Variants in PDE3B observed in about 807,000 individuals in gnomAD.
PDE3B encodes the protein cGMP-inhibited 3',5'-cyclic phosphodiesterase 3B.
PDE3B carries 66 observed loss-of-function variants against 116.8 expected under a neutral mutation model. The observed-to-expected ratio is 0.56, with a 90% confidence interval of 0.46 to 0.69. The LOEUF is 0.69. Ranked by LOEUF, PDE3B falls within the 30% of genes least tolerant of loss-of-function variation. The probability of loss-of-function intolerance (pLI) is 0.00; values close to 1 mark genes in which losing one functional copy is unlikely to be tolerated. For missense variants in PDE3B, 1,384 were observed against 1,368.1 expected (o/e 1.01, Z -0.18); for synonymous variants, 595 against 533.6 (o/e 1.12, Z -1.59).
chr11:14,738,204 A>T (rs1160283735), intron 1 of PDE3B, among the ~76,000 whole-genome samples: 1 of 152,196 alleles, frequency 6.6e-6, no homozygotes, highest in African/African-American at 2.4e-5. Flanking sequence ...ACTGACTTCC[A>T]CAATGGTTGA....
At position 14,869,798 on chromosome 11, in the gene PDE3B, G is replaced by T. The variant is rs545317393; in HGVS notation, c.*138G>T. 125 of 652,380 alleles carry T rather than the reference G, an allele frequency of 1.9e-4. No individual in the cohort carries two copies. Among genetic ancestry groups the T allele is most frequent in the Non-Finnish European group, 3.0e-4 (115 of 388,756 alleles). 40.4% of individuals were successfully genotyped at this position (652,380 alleles called of 1,614,324 possible). A position where few individuals can be genotyped will look rare whatever the true frequency, so the allele number is the denominator to read the frequency against. On this transcript the variant is annotated 3_prime_UTR_variant, in exon 16 of 16. Coordinates refer to ENST00000282096, the MANE Select transcript of PDE3B (RefSeq NM_000922.4). Reference sequence around the variant, plus strand: ...TGGACAGGCCTTAATACTGTGAGAGGATCCTTGCTCTGCTGGCAGTTTCCC... The same window carrying T: ...TGGACAGGCCTTAATACTGTGAGAGTATCCTTGCTCTGCTGGCAGTTTCCC...
intron 1 of PDE3B, among the ~76,000 whole-genome samples, chr11:14,739,420 A>G (rs1284791088): frequency 1.3e-5 from 2 of 152,196 alleles, no homozygotes; most frequent in African/African-American, 4.8e-5. Flanking sequence ...TTATTGGTAT[A>G]TAGGAATCCT....
At chr11:14,651,472 G>A (rs1003259312) in intron 1 of PDE3B, among the ~76,000 whole-genome samples, 10 of 152,114 alleles carry the variant, frequency 6.6e-5, no homozygotes, top group Non-Finnish European at 1.3e-4. Flanking sequence ...CTAAAGCTAC[G>A]TAAAATTGAA....
Position 14,760,099 on chromosome 11 carries a change from A to G in PDE3B, c.979-11838A>G, listed in dbSNP as rs763483279. Among the ~76,000 whole-genome samples, 200 of 152,334 alleles carry G rather than the reference A, an allele frequency of 1.3e-3. 2 individuals carry two copies. The highest frequency in any genetic ancestry group is 7.7e-4 in the East Asian group (4 of 5,192). On this transcript the variant is annotated intron_variant, in intron 1 of 15. Coordinates refer to ENST00000282096, the MANE Select transcript of PDE3B (RefSeq NM_000922.4). Reference sequence around the variant, plus strand: ...TAGATTTTGTAGTTAGAGAAACCACAGTATGATTCTGGCTCTGCTACTGCC... The same window carrying G: ...TAGATTTTGTAGTTAGAGAAACCACGGTATGATTCTGGCTCTGCTACTGCC...
intron 14 of PDE3B, 57 bp downstream of exon 14, chr11:14,861,423 C>T: frequency 1.3e-6 from 2 of 1,497,864 alleles, no homozygotes; most frequent in Non-Finnish European, 1.9e-6. Flanking sequence ...GAAGACACTA[C>T]TCTTTGGGTT....
the PDE3B span, chr11:14,886,791 A>G: frequency 6.6e-6 from 1 of 152,280 alleles, no homozygotes; most frequent in Non-Finnish European, 1.5e-5. Context: ...CAAACAAGTC[A>G]AGGAGATTTA....
chr11:14,835,051 G>A lies in PDE3B; in HGVS notation c.2276G>A (p.Gly759Asp). Residue 759 changes from glycine (G) to aspartate (D), a missense_variant, in exon 11 of 16, where the codon GGC (glycine) becomes GAC (aspartate). By Grantham distance (94) the Gly-to-Asp change is moderately conservative. Transcript: ENST00000282096. ...TATCTGACAACACGGCCAGTTCCTG[G>A]CTTACAGCAGATCCACAATGGTTGT... Reference protein sequence around the residue: ...VWYLTTRPVPGLQQIHNGCGT... With the variant: ...VWYLTTRPVPDLQQIHNGCGT... The A allele has an allele frequency of 6.2e-7, 1 of 1,612,934 alleles. No homozygotes were observed. The highest frequency in any genetic ancestry group is 8.5e-7 in the Non-Finnish European group (1 of 1,179,248).
In PDE3B at chr11:14,843,860, C is replaced by G; in HGVS notation, c.2354C>G (p.Ala785Gly). The G allele has an allele frequency of 1.2e-6, 2 of 1,614,020 alleles. No homozygotes were observed. Among genetic ancestry groups the G allele is most frequent in the Non-Finnish European group, 1.7e-6 (2 of 1,179,916 alleles). The part of the protein sequence containing the change: ...SDGRINHGRI[A>G]YISSKSCSNP... ...GGTAGAATTAACCATGGGCGAATTG[C>G]TTATATTTCTTCGAAGAGCTGCTCT... Residue 785 changes from alanine to glycine, a missense_variant, in exon 12 of 16, where the codon GCT becomes GGT. Physicochemically the swap from Ala to Gly is moderately conservative, Grantham distance 60. Coordinates refer to ENST00000282096, the MANE Select transcript of PDE3B (RefSeq NM_000922.4).
chr11:14,801,578 T>G (rs1278650643), intron 4 of PDE3B, among the ~76,000 whole-genome samples: 3 of 152,324 alleles, frequency 2.0e-5, no homozygotes, highest in African/African-American at 4.8e-5. Context: ...CCGCCCCTAC[T>G]GGGAGGTGTC....
chr11:14,841,409 C>G (rs1458739098), intron 11 of PDE3B, among the ~76,000 whole-genome samples: 2 of 148,056 alleles, frequency 1.4e-5, no homozygotes, highest in African/African-American at 4.9e-5. Context: ...ATGAATAACC[C>G]TCACTAATAT....
At chr11:14,660,290 T>C (rs1325283163) in intron 1 of PDE3B, among the ~76,000 whole-genome samples, 1 of 151,696 alleles carries the variant, frequency 6.6e-6, no homozygotes, top group African/African-American at 2.4e-5. Flanking sequence ...CCTTATATTA[T>C]TGCTTCTAAT....
intron 1 of PDE3B, among the ~76,000 whole-genome samples, chr11:14,760,987 T>G (rs1857345414): frequency 6.6e-6 from 1 of 152,180 alleles, no homozygotes; most frequent in Admixed American, 6.6e-5. Context: ...GTAATTTTCC[T>G]GTTATCCTAT....
the PDE3B span, chr11:14,877,469 A>G: frequency 6.6e-6 from 1 of 152,152 alleles, no homozygotes; most frequent in Non-Finnish European, 1.5e-5. Flanking sequence ...TATTATTGTA[A>G]TGTCCTATCT....
chr11:14,861,483 G>GTT, intron 14 of PDE3B, 117 bp downstream of exon 14: 1 of 921,432 alleles, frequency 1.1e-6, no homozygotes, highest in South Asian at 1.6e-5. Context: ...TGACTGGGAA[G>GTT]GGTTAAAAAT....
intron 1 of PDE3B, among the ~76,000 whole-genome samples, chr11:14,703,418 T>G (rs1414771462): frequency 2.1e-5 from 3 of 143,778 alleles, no homozygotes; most frequent in African/African-American, 7.5e-5. Context: ...TAGGGTTGTC[T>G]TTTTTTTTTT....
chr11:14,756,305 T>A (rs1857179189), intron 1 of PDE3B, among the ~76,000 whole-genome samples: 2 of 152,156 alleles, frequency 1.3e-5, no homozygotes, highest in South Asian at 4.1e-4. Flanking sequence ...TCCAATGGAC[T>A]AGTTGAGGGT....
At chr11:14,791,286 T>C (rs1858380897) in intron 4 of PDE3B, among the ~76,000 whole-genome samples, 1 of 152,118 alleles carries the variant, frequency 6.6e-6, no homozygotes. Flanking sequence ...TTTTGAGTCT[T>C]GAGCTTTGGA....
chr11:14,851,088 G>A (rs1847740604), intron 12 of PDE3B, among the ~76,000 whole-genome samples: 1 of 151,602 alleles, frequency 6.6e-6, no homozygotes, highest in African/African-American at 2.4e-5. Flanking sequence ...CTCCCAAAGT[G>A]CTGGGATTAC....
In PDE3B at chr11:14,643,929, G is replaced by A; in HGVS notation, c.-147G>A. The A allele has an allele frequency of 8.2e-7, 1 of 1,219,864 alleles. No homozygotes were observed. Among genetic ancestry groups the A allele is most frequent in the Non-Finnish European group, 1.1e-6 (1 of 941,454 alleles). 75.6% of individuals were successfully genotyped at this position (1,219,864 alleles called of 1,614,324 possible). A position where few individuals can be genotyped will look rare whatever the true frequency, so the allele number is the denominator to read the frequency against. ...GCCGCTCCTCAGTCCGCGCGGTGGG[G>A]ACCCCGGGCCGTGGCGGCCGGCGCA... On this transcript the variant is annotated 5_prime_UTR_variant, in exon 1 of 16. Transcript: ENST00000282096.
Sources: allele counts gnomAD v4.1 joint callset (sites outside exome capture counted in the v4.1 genomes callset), GRCh38; gene constraint gnomAD v4.1.1; transcripts MANE v1.5; gene names NCBI Gene and HGNC (gene_info 2026-07-23, HGNC 2026-07-21).